ATP9B: variants seen among roughly 807,000 people sequenced by gnomAD.
ATP9B encodes probable phospholipid-transporting ATPase IIB.
Under a neutral mutation model 146.1 loss-of-function variants are expected in ATP9B, and 110 were observed. That is an observed-to-expected ratio of 0.75 (90% CI 0.65 to 0.88). The LOEUF (loss-of-function observed/expected upper bound fraction) is 0.88. ATP9B is among the 40% of genes least tolerant of loss of function. The pLI is 0.00. For synonymous variants in ATP9B, 604 were observed against 569.7 expected (o/e 1.06, Z -0.86); for missense variants, 1,499 against 1,496.4 (o/e 1.00, Z -0.03).
At chr18:79,269,520 G>T (rs1347514320) in intron 12 of ATP9B, among the ~76,000 whole-genome samples, 1 of 152,052 alleles carries the variant, frequency 6.6e-6, no homozygotes, top group Non-Finnish European at 1.5e-5. Context: ...GTATCCGTTT[G>T]TTTTATAATC....
At chr18:79,361,993 G>T (rs2096992352) in intron 26 of ATP9B, 1 of 165,208 alleles carries the variant, frequency 6.1e-6, no homozygotes, top group Non-Finnish European at 1.2e-5. Flanking sequence ...GGCCTGCAGT[G>T]TGAGTAACAA....
intron 11 of ATP9B, among the ~76,000 whole-genome samples, chr18:79,230,886 A>G (rs1275002599): frequency 6.6e-6 from 1 of 152,232 alleles, no homozygotes; most frequent in African/African-American, 2.4e-5. Flanking sequence ...CTGATATACA[A>G]CAACGCAAAC....
Position 79,361,478 on chromosome 18 carries a change from T to C in ATP9B, c.3012+2016T>C, listed in dbSNP as rs558572502. 5 of 151,696 alleles carry C rather than the reference T, an allele frequency of 3.3e-5. No homozygotes were observed. In the South Asian group the frequency reaches 1.0e-3, roughly 32 times the overall value. 9.4% of individuals were successfully genotyped at this position (151,696 alleles called of 1,614,324 possible). ...GTTTTCGTTAAGGTGAGCAACAATT[T>C]AGAATGTTTTAGTATCCTAAAGTCA... On this transcript the variant is annotated intron_variant, in intron 26 of 29. Transcript: ENST00000426216.
At chr18:79,143,090 A>G (rs2094533530) in intron 5 of ATP9B, among the ~76,000 whole-genome samples, 1 of 151,988 alleles carries the variant, frequency 6.6e-6, no homozygotes, top group Non-Finnish European at 1.5e-5. Flanking sequence ...AGGAAGAGAA[A>G]GAGGGGCAGA....
chr18:79,129,489 G>A (rs1388526066), intron 5 of ATP9B, among the ~76,000 whole-genome samples: 1 of 152,108 alleles, frequency 6.6e-6, no homozygotes, highest in Non-Finnish European at 1.5e-5. Context: ...GTTTGGGTTT[G>A]TTTCCTCCTC....
intron 11 of ATP9B, among the ~76,000 whole-genome samples, chr18:79,250,817 G>A (rs1313952307): frequency 1.3e-5 from 2 of 152,146 alleles, no homozygotes; most frequent in Non-Finnish European, 2.9e-5. Flanking sequence ...TTTGTGATCT[G>A]GGGGAGCGGC....
chr18:79,163,664 G>A (rs1266697312), intron 7 of ATP9B, among the ~76,000 whole-genome samples: 1 of 151,822 alleles, frequency 6.6e-6, no homozygotes, highest in East Asian at 1.9e-4. Context: ...CAGTGAGCTC[G>A]TGCAATATAT....
chr18:79,180,793 T>G (rs2095242232), intron 8 of ATP9B, among the ~76,000 whole-genome samples: 1 of 104,612 alleles, frequency 9.6e-6, no homozygotes, highest in Admixed American at 8.1e-5. Context: ...GCCTTTTTCT[T>G]TTCTCATTTT....
chr18:79,197,678 A>G (rs897120248), intron 9 of ATP9B, among the ~76,000 whole-genome samples: 18 of 151,854 alleles, frequency 1.2e-4, no homozygotes, highest in African/African-American at 4.4e-4. Flanking sequence ...TAGATGCTAA[A>G]GTGGGATCAA....
chr18:79,106,145 C>T (rs2075635730), intron 2 of ATP9B, among the ~76,000 whole-genome samples: 1 of 152,128 alleles, frequency 6.6e-6, no homozygotes, highest in African/African-American at 2.4e-5. Flanking sequence ...TTCAGCTGGA[C>T]TTGATGATGT....
intron 12 of ATP9B, among the ~76,000 whole-genome samples, chr18:79,267,715 A>G (rs1295960585): frequency 1.3e-5 from 2 of 152,096 alleles, no homozygotes; most frequent in African/African-American, 4.8e-5. Context: ...CTCAGAGAAC[A>G]TACCTTTTTA....
intron 1 of ATP9B, among the ~76,000 whole-genome samples, chr18:79,084,359 G>A (rs2073601460): frequency 6.6e-6 from 1 of 151,794 alleles, no homozygotes; most frequent in Non-Finnish European, 1.5e-5. Context: ...TTTTTTCACT[G>A]TGGTAAAATA....
intron 26 of ATP9B, among the ~76,000 whole-genome samples, chr18:79,367,410 G>A (rs1313749718): frequency 3.6e-5 from 3 of 83,600 alleles, no homozygotes; most frequent in Admixed American, 1.2e-4. Context: ...CAACCAGAGA[G>A]CACACATATC....
intron 12 of ATP9B, among the ~76,000 whole-genome samples, chr18:79,271,989 GTGA>G (rs1352666543): frequency 6.6e-6 from 1 of 152,208 alleles, no homozygotes; most frequent in Non-Finnish European, 1.5e-5. Context: ...CTGATGACCA[GTGA>G]TGATGAGCAT....
At chr18:79,164,643 C>G (rs754224194) in intron 7 of ATP9B, among the ~76,000 whole-genome samples, 39 of 152,042 alleles carry the variant, frequency 2.6e-4, no homozygotes, top group Non-Finnish European at 5.0e-4. Flanking sequence ...GGTGTGAACC[C>G]GGGAGGTGGA....
chr18:79,285,397 C>T (rs1322840480), intron 13 of ATP9B, among the ~76,000 whole-genome samples: 1 of 152,130 alleles, frequency 6.6e-6, no homozygotes, highest in African/African-American at 2.4e-5. Flanking sequence ...TTTCATGTGT[C>T]TCTTGGCTGC....
At chr18:79,107,201 T>C (rs2075709435) in intron 2 of ATP9B, among the ~76,000 whole-genome samples, 1 of 152,192 alleles carries the variant, frequency 6.6e-6, no homozygotes, top group East Asian at 1.9e-4. Context: ...CAATGTGCTC[T>C]GTTGATGCCA....
At chr18:79,166,020 G>A (rs1179044702) in intron 7 of ATP9B, among the ~76,000 whole-genome samples, 1 of 152,164 alleles carries the variant, frequency 6.6e-6, no homozygotes, top group Admixed American at 6.5e-5. Context: ...GATGACCTGA[G>A]TATCCCTCCT....
chr18:79,305,886 C>G (rs752509027), intron 14 of ATP9B, among the ~76,000 whole-genome samples: 2 of 152,162 alleles, frequency 1.3e-5, no homozygotes, highest in Non-Finnish European at 2.9e-5. Flanking sequence ...TCTTTTATAA[C>G]CTGATTGTAT....
Sources: gnomAD v4.1 joint callset for allele counts (sites outside exome capture counted in the v4.1 genomes callset) on GRCh38, gnomAD v4.1.1 for gene constraint, MANE v1.5 for transcripts, NCBI Gene and HGNC (gene_info 2026-07-23, HGNC 2026-07-21) for gene names.